Variants in TLE1 observed in about 807,000 individuals in gnomAD.
The protein encoded by TLE1 is TLE family member 1, transcriptional corepressor.
A neutral mutation model predicts 89.8 loss-of-function variants in TLE1; 21 were observed. The observed-to-expected ratio is 0.23, with a 90% CI of 0.17 to 0.34. The LOEUF is 0.34. Ranked by LOEUF, TLE1 falls within the 10% of genes least tolerant of loss-of-function variation. TLE1 has a pLI of 1.00. For missense variants in TLE1, 795 were observed against 1,031.2 expected (o/e 0.77, Z 3.14); for synonymous variants, 447 against 407.6 (o/e 1.10, Z -1.16).
In TLE1 at chr9:81,611,731, T is replaced by C. The variant is rs116409155; in HGVS notation, c.1254+38A>G. Reference sequence around the variant, plus strand: ...ACAGCGCTCAATGGAGCATGCAGCGTTCCTACCCCAACCACAGCCCACCCG... The same window carrying C: ...ACAGCGCTCAATGGAGCATGCAGCGCTCCTACCCCAACCACAGCCCACCCG... On this transcript the variant is annotated intron_variant, in intron 13 of 19. Transcript: ENST00000376499. 4.3e-3 allele frequency: 6,272 copies of C among 1,461,010 alleles called. 21 individuals are homozygous for C. The highest frequency in any genetic ancestry group is 5.2e-3 in the Non-Finnish European group (5,766 of 1,112,144). The allele number at this position is 1,461,010 out of a possible 1,614,324, so 90.5% of individuals were successfully genotyped here. A position where few individuals can be genotyped will look rare whatever the true frequency, so the allele number is the denominator to read the frequency against.
intron 9 of TLE1, among the ~76,000 whole-genome samples, chr9:81,618,343 C>T (rs1024875361): frequency 6.6e-6 from 1 of 152,080 alleles, no homozygotes; most frequent in African/African-American, 2.4e-5. Flanking sequence ...CTGAAGTAGG[C>T]CCACAAATCT....
intron 8 of TLE1, 46 bp downstream of exon 8, chr9:81,633,288 CGTGTGTGTGTGTGT>C (rs56327119): frequency 0.02 from 28,786 of 1,462,440 alleles, 38 homozygotes; most frequent in East Asian, 0.11. Flanking sequence ...AGAAGGGGAC[CGTGTGTGTGTGTGT>C]GTGTGTGTGT....
At chr9:81,687,707 C>CT (rs1174566423) in intron 1 of TLE1, among the ~76,000 whole-genome samples, 1 of 151,878 alleles carries the variant, frequency 6.6e-6, no homozygotes, top group Non-Finnish European at 1.5e-5. Flanking sequence ...GGGAAGGGGG[C>CT]TCCCCGGCGG....
At chr9:81,665,341 G>T (rs1443293117) in intron 4 of TLE1, among the ~76,000 whole-genome samples, 4 of 152,108 alleles carry the variant, frequency 2.6e-5, no homozygotes, top group Non-Finnish European at 5.9e-5. Context: ...CAACTAATCA[G>T]AACACAAGTC....
chr9:81,662,361 T>TTTTTTTTGTGTGTGTGTGTGTG (rs1290826547), intron 4 of TLE1, among the ~76,000 whole-genome samples: 2 of 138,360 alleles, frequency 1.4e-5, no homozygotes, highest in Non-Finnish European at 1.5e-5. Context: ...TGTGCCTGTT[T>TTTTTTTTGTGTGTGTGTGTGTG]TGTGTGTGTG....
rs751140133 is a variant in TLE1, at chr9:81,587,847, T to C, written c.1830-19A>G. ...GAATTGCCTGATAAAACAAACCAGATTGAATAATGATTTCCTGCCAGAGCT... is the reference window on the plus strand; with the variant it reads ...GAATTGCCTGATAAAACAAACCAGACTGAATAATGATTTCCTGCCAGAGCT... On this transcript the variant is annotated intron_variant, in intron 16 of 19. Transcript: ENST00000376499. The C allele has an allele frequency of 1.3e-5, 20 of 1,599,318 alleles. No individual in the cohort carries two copies. The highest frequency in any genetic ancestry group is 3.3e-5 in the South Asian group (3 of 90,722).
Position 81,661,631 on chromosome 9 carries a change from A to G in TLE1, c.235-7595T>C, listed in dbSNP as rs370379670. ...ATAAAAACACAGTGGAGTGTTGGTA[A>G]GAAGTGTCTGGCAACAGATACATGG... On this transcript the variant is annotated intron_variant, in intron 4 of 19. Transcript: ENST00000376499. Among the ~76,000 whole-genome samples the G allele has an allele frequency of 2.0e-5, 3 of 152,308 alleles. No homozygotes were observed. In the East Asian group the frequency reaches 5.8e-4, roughly 29 times the overall value.
At chr9:81,657,666 C>T (rs913305156) in intron 4 of TLE1, among the ~76,000 whole-genome samples, 9 of 151,970 alleles carry the variant, frequency 5.9e-5, no homozygotes, top group Non-Finnish European at 2.9e-5. Context: ...AGTGGTCTCT[C>T]GGTATCTGTG....
At chr9:81,685,638 G>A in intron 4 of TLE1, 38 bp downstream of exon 4, 1 of 1,602,618 alleles carries the variant, frequency 6.2e-7, no homozygotes, top group Non-Finnish European at 8.5e-7. Flanking sequence ...CATATGAACT[G>A]ATGTCTCATT....
At chr9:81,661,187 T>TA (rs1361053981) in intron 4 of TLE1, among the ~76,000 whole-genome samples, 1 of 98,272 alleles carries the variant, frequency 1.0e-5, no homozygotes, top group African/African-American at 3.8e-5. Context: ...TATATGTATT[T>TA]TTATATATAT....
intron 14 of TLE1, among the ~76,000 whole-genome samples, chr9:81,606,305 T>C (rs1167244443): frequency 1.3e-5 from 2 of 152,216 alleles, no homozygotes; most frequent in African/African-American, 4.8e-5. Context: ...CATGCTGCTA[T>C]AAAGACACAT....
intron 14 of TLE1, chr9:81,600,019 CA>C (rs1466799533): frequency 3.0e-6 from 2 of 665,924 alleles, no homozygotes; most frequent in African/African-American, 3.6e-5. Context: ...GTATTCCAGC[CA>C]AAGTCAACAT....
At chr9:81,618,019 C>A (rs901262265) in intron 9 of TLE1, among the ~76,000 whole-genome samples, 2 of 132,586 alleles carry the variant, frequency 1.5e-5, no homozygotes, top group Non-Finnish European at 3.0e-5. Flanking sequence ...AAGCAAGACT[C>A]CGTCTCAAAA....
At chr9:81,612,013 G>T (rs1823780934) in intron 12 of TLE1, 54 bp from the exon 13 acceptor site, 1 of 1,333,966 alleles carries the variant, frequency 7.5e-7, no homozygotes, top group Admixed American at 3.0e-5. Context: ...CATCAAACCT[G>T]ACCAGCAAGT....
rs762908072 is a variant in TLE1, at chr9:81,639,591, T to G, written c.373-5290A>C. Among the ~76,000 whole-genome samples, 25 of 148,212 alleles carry G rather than the reference T, an allele frequency of 1.7e-4. 1 individual carries two copies. The highest frequency in any genetic ancestry group is 6.7e-4 in the South Asian group (3 of 4,486). Reference sequence around the variant, plus strand: ...GTAAAAGTTGTTTTTTTTTTTTGTTTTTTTTTTTTTTGAGACAGTCTCGCT... The same window carrying G: ...GTAAAAGTTGTTTTTTTTTTTTGTTGTTTTTTTTTTTGAGACAGTCTCGCT... On this transcript the variant is annotated intron_variant, in intron 6 of 19. Transcript: ENST00000376499.
intron 4 of TLE1, among the ~76,000 whole-genome samples, chr9:81,682,445 T>C (rs72747302): frequency 0.056 from 8,466 of 152,238 alleles, 355 homozygotes; most frequent in Non-Finnish European, 0.082. Context: ...CAAATCACAT[T>C]GAAAACTGTT....
At chr9:81,655,449 G>A (rs951577710) in intron 4 of TLE1, among the ~76,000 whole-genome samples, 1 of 152,044 alleles carries the variant, frequency 6.6e-6, no homozygotes, top group African/African-American at 2.4e-5. Flanking sequence ...ACAAAAACTG[G>A]CAAGAGAGGG....
intron 8 of TLE1, among the ~76,000 whole-genome samples, chr9:81,626,786 C>T (rs1010715261): frequency 5.9e-5 from 9 of 152,172 alleles, no homozygotes; most frequent in East Asian, 3.9e-4. Flanking sequence ...GCTAAAACCA[C>T]GATGCCTTCG....
At chr9:81,669,119 C>G (rs1469633863) in intron 4 of TLE1, among the ~76,000 whole-genome samples, 1 of 152,214 alleles carries the variant, frequency 6.6e-6, no homozygotes, top group Non-Finnish European at 1.5e-5. Context: ...TCTGGAAGAA[C>G]AGAAAAGACT....
Sources: allele counts gnomAD v4.1 joint callset (sites outside exome capture counted in the v4.1 genomes callset), GRCh38; gene constraint gnomAD v4.1.1; transcripts MANE v1.5; gene names NCBI Gene and HGNC (gene_info 2026-07-23, HGNC 2026-07-21).